The following PARM1 variants were observed in gnomAD, a reference collection of about 807,000 sequenced individuals.
PARM1 encodes WSC4, cell wall integrity and stress response component 4 homolog.
Under a neutral mutation model 24.6 loss-of-function variants are expected in PARM1, and 14 were observed. The observed-to-expected ratio is 0.57, with a 90% CI of 0.38 to 0.89. The LOEUF (loss-of-function observed/expected upper bound fraction) is 0.89, where lower values mean the gene tolerates loss of function less well. PARM1 is among the 40% of genes least tolerant of loss of function. The probability of loss-of-function intolerance (pLI) is 0.00; values close to 1 mark genes in which losing one functional copy is unlikely to be tolerated. For synonymous variants in PARM1, 179 were observed against 156.6 expected (o/e 1.14, Z -1.07); for missense variants, 362 against 380.4 (o/e 0.95, Z 0.40).
chr4:74,974,722 C>A (rs918915135), intron 1 of PARM1, among the ~76,000 whole-genome samples: 2 of 152,056 alleles, frequency 1.3e-5, no homozygotes, highest in African/African-American at 4.8e-5. Flanking sequence ...ATATTGAAGC[C>A]CTTAAGCTTC....
intron 1 of PARM1, among the ~76,000 whole-genome samples, chr4:74,940,174 G>A (rs1721274532): frequency 6.6e-6 from 1 of 152,106 alleles, no homozygotes; most frequent in Non-Finnish European, 1.5e-5. Flanking sequence ...TTTATGTTGT[G>A]ATATTTTTAC....
intron 1 of PARM1, chr4:74,956,324 G>A (rs1276645990): frequency 2.0e-5 from 3 of 152,224 alleles, no homozygotes; most frequent in Non-Finnish European, 4.4e-5. Flanking sequence ...AGGGGTGCAT[G>A]GGCTGGGAAA....
intron 1 of PARM1, among the ~76,000 whole-genome samples, chr4:74,978,126 T>C (rs1722172750): frequency 6.6e-6 from 1 of 152,210 alleles, no homozygotes; most frequent in Non-Finnish European, 1.5e-5. Context: ...TTATTATCCT[T>C]AAATGTAAAT....
intron 1 of PARM1, among the ~76,000 whole-genome samples, chr4:74,977,403 T>A (rs1722159652): frequency 6.6e-6 from 1 of 151,574 alleles, no homozygotes; most frequent in African/African-American, 2.4e-5. Context: ...GCAGACAAGA[T>A]TAGAGAAAAA....
intron 3 of PARM1, among the ~76,000 whole-genome samples, chr4:75,041,565 T>C (rs1338203261): frequency 1.3e-5 from 2 of 152,194 alleles, no homozygotes; most frequent in African/African-American, 2.4e-5. Context: ...TCCTAAAATA[T>C]GTTTTGTTTC....
chr4:75,014,167 C>A (rs1474536551), intron 2 of PARM1, among the ~76,000 whole-genome samples: 2 of 152,124 alleles, frequency 1.3e-5, no homozygotes, highest in African/African-American at 4.8e-5. Context: ...CAACTTTTAA[C>A]AAACAATTGA....
intron 1 of PARM1, among the ~76,000 whole-genome samples, chr4:74,945,960 AG>A (rs1311158066): frequency 6.6e-6 from 1 of 152,190 alleles, no homozygotes; most frequent in Non-Finnish European, 1.5e-5. Context: ...ACTGACTGAA[AG>A]TTTTAGGGGT....
At chr4:75,020,361 C>T (rs1019089762) in intron 2 of PARM1, among the ~76,000 whole-genome samples, 4 of 152,284 alleles carry the variant, frequency 2.6e-5, no homozygotes, top group Non-Finnish European at 4.4e-5. Context: ...CTCCCACTCC[C>T]TAACTCCCCT....
At chr4:74,960,878 G>A (rs1721757876) in intron 1 of PARM1, among the ~76,000 whole-genome samples, 1 of 151,822 alleles carries the variant, frequency 6.6e-6, no homozygotes, top group African/African-American at 2.4e-5. Context: ...AGCGGGGTGT[G>A]GTGGCAGGCC....
At chr4:74,963,204 T>TGGAC (rs1165035148) in intron 1 of PARM1, among the ~76,000 whole-genome samples, 52 of 152,256 alleles carry the variant, frequency 3.4e-4, no homozygotes, top group African/African-American at 1.2e-3. Flanking sequence ...GTCTCAGATA[T>TGGAC]TTCTTCATAG....
chr4:74,980,366 A>G (rs542362677), intron 1 of PARM1, among the ~76,000 whole-genome samples: 1 of 152,294 alleles, frequency 6.6e-6, no homozygotes, highest in African/African-American at 2.4e-5. Context: ...TCTATTCACA[A>G]TTGCTTCAAA....
At chr4:75,040,065 A>G (rs1723451156) in intron 3 of PARM1, among the ~76,000 whole-genome samples, 1 of 152,224 alleles carries the variant, frequency 6.6e-6, no homozygotes, top group Admixed American at 6.5e-5. Flanking sequence ...AGTCCTTGGC[A>G]GTACCTGACG....
chr4:74,959,351 G>C (rs1367384541), intron 1 of PARM1, among the ~76,000 whole-genome samples: 1 of 152,166 alleles, frequency 6.6e-6, no homozygotes, highest in Non-Finnish European at 1.5e-5. Flanking sequence ...GAACCTAGCA[G>C]CTCTTCTGGC....
Position 75,018,070 on chromosome 4 carries a change from T to C in PARM1, c.769+4920T>C, listed in dbSNP as rs567399914. On this transcript the variant is annotated intron_variant, in intron 2 of 3. Coordinates refer to ENST00000307428, the MANE Select transcript of PARM1 (RefSeq NM_015393.4). ...TTATTTTATTTATCATATTGAAGAA[T>C]GCCCACCATCTTCAACAAATATTTA... Among the ~76,000 whole-genome samples the C allele has an allele frequency of 4.6e-5, 7 of 152,376 alleles. No individual in the cohort carries two copies. The South Asian group carries it at 1.4e-3, about 32-fold the overall frequency.
rs564383975 is a variant in PARM1, at chr4:74,945,255, C to T, written c.43+11885C>T. Among the ~76,000 whole-genome samples, 8 of 152,304 alleles carry T rather than the reference C, an allele frequency of 5.3e-5. No homozygotes were observed. In the East Asian group the frequency reaches 1.5e-3, roughly 29 times the overall value. On this transcript the variant is annotated intron_variant, in intron 1 of 3. Coordinates refer to ENST00000307428, the MANE Select transcript of PARM1 (RefSeq NM_015393.4). ...ATGAGTGAACGTTGGGTCACTTTTA[C>T]TTTCTCTCCCTCTCTCTTTCATTGC... is the stretch of plus-strand genomic sequence containing the variant.
intron 1 of PARM1, among the ~76,000 whole-genome samples, chr4:74,944,665 A>T (rs1302552034): frequency 6.6e-6 from 1 of 152,214 alleles, no homozygotes. Flanking sequence ...AATGCCTCCC[A>T]TCTCAAAGAC....
intron 1 of PARM1, among the ~76,000 whole-genome samples, chr4:74,990,016 A>C (rs1722435470): frequency 6.6e-6 from 1 of 152,170 alleles, no homozygotes; most frequent in Admixed American, 6.6e-5. Context: ...GAAGGTTAGA[A>C]ACTGTAACAT....
chr4:74,963,357 A>G (rs1259078411), intron 1 of PARM1, among the ~76,000 whole-genome samples: 2 of 152,354 alleles, frequency 1.3e-5, no homozygotes, highest in East Asian at 3.9e-4. Flanking sequence ...CTTTTAGGTA[A>G]TGTTCTTAAC....
At chr4:75,019,725 C>T (rs946612215) in intron 2 of PARM1, among the ~76,000 whole-genome samples, 1 of 152,042 alleles carries the variant, frequency 6.6e-6, no homozygotes, top group African/African-American at 2.4e-5. Flanking sequence ...AAATTTCGCC[C>T]GGGCGCGGTG....
Sources: gnomAD v4.1 joint callset for allele counts (sites outside exome capture counted in the v4.1 genomes callset) on GRCh38, gnomAD v4.1.1 for gene constraint, MANE v1.5 for transcripts, NCBI Gene and HGNC (gene_info 2026-07-23, HGNC 2026-07-21) for gene names.